IFI27L1: variants seen among roughly 807,000 people sequenced by gnomAD.
IFI27L1 encodes interferon alpha inducible protein 27 like 1.
IFI27L1 carries 3 observed loss-of-function variants against 9.2 expected under a neutral mutation model. That is an observed-to-expected ratio of 0.32 (90% CI 0.15 to 0.84). The LOEUF is 0.84. Ranked by LOEUF, IFI27L1 falls within the 40% of genes least tolerant of loss-of-function variation. The pLI is 0.56. For missense variants in IFI27L1, 133 were observed against 134.2 expected (o/e 0.99, Z 0.05); for synonymous variants, 53 against 50.0 (o/e 1.06, Z -0.26).
chr14:94,093,023 G>C (rs552038987), intron 1 of IFI27L1, among the ~76,000 whole-genome samples: 2 of 151,644 alleles, frequency 1.3e-5, no homozygotes, highest in Non-Finnish European at 2.9e-5. Context: ...GTAGAGATGG[G>C]GTTTCACCAT....
At chr14:94,081,909 T>C (rs1669832573) in intron 1 of IFI27L1, among the ~76,000 whole-genome samples, 1 of 152,180 alleles carries the variant, frequency 6.6e-6, no homozygotes, top group African/African-American at 2.4e-5. Flanking sequence ...AACCCTACAA[T>C]GGGCCTCTAA....
chr14:94,090,429 A>G (rs1034190953), intron 1 of IFI27L1, among the ~76,000 whole-genome samples: 3 of 152,242 alleles, frequency 2.0e-5, no homozygotes, highest in African/African-American at 7.2e-5. Context: ...GATTATTTGT[A>G]TAAAGTGCAG....
chr14:94,089,455 C>T (rs748662591), intron 1 of IFI27L1, among the ~76,000 whole-genome samples: 7 of 152,124 alleles, frequency 4.6e-5, no homozygotes, highest in Non-Finnish European at 8.8e-5. Context: ...TGTCTTGTAG[C>T]ATGCTAATGC....
At position 94,091,397 on chromosome 14, in the gene IFI27L1, T is replaced by G. The variant is rs573504515; in HGVS notation, c.-51-5490T>G. Among the ~76,000 whole-genome samples the G allele has an allele frequency of 2.4e-4, 36 of 152,350 alleles. 1 individual carries two copies. The highest frequency in any genetic ancestry group is 8.7e-4 in the African/African-American group (36 of 41,576). ...TCATGATTATAGGAGTTTCCCATAA[T>G]TTTAGAACACATACCAATAACTTAG... On this transcript the variant is annotated intron_variant, in intron 1 of 4. Coordinates refer to ENST00000555523, the MANE Select transcript of IFI27L1 (RefSeq NM_206949.3).
intron 1 of IFI27L1, among the ~76,000 whole-genome samples, chr14:94,094,391 A>G (rs940770515): frequency 1.1e-4 from 16 of 152,160 alleles, no homozygotes; most frequent in African/African-American, 3.4e-4. Context: ...TGAATTTTTG[A>G]GTCAGTGTTG....
chr14:94,084,958 G>T (rs186640704), intron 1 of IFI27L1, among the ~76,000 whole-genome samples: 1 of 151,966 alleles, frequency 6.6e-6, no homozygotes, highest in Non-Finnish European at 1.5e-5. Context: ...TCCAATGCCA[G>T]TATACTCAGC....
At chr14:94,100,630 G>A (rs1276888204) in intron 2 of IFI27L1, 109 bp from the exon 3 acceptor site, 8 of 1,592,432 alleles carry the variant, frequency 5.0e-6, no homozygotes, top group Non-Finnish European at 6.8e-6. Flanking sequence ...GGCTTCAGAA[G>A]AGGGAAAGAA....
chr14:94,099,490 T>A (rs1180831660), intron 2 of IFI27L1, among the ~76,000 whole-genome samples: 2 of 152,082 alleles, frequency 1.3e-5, no homozygotes, highest in African/African-American at 4.8e-5. Flanking sequence ...ATTGGAGTGA[T>A]GCAGCCACAG....
At chr14:94,085,983 A>G (rs8006174) in intron 1 of IFI27L1, among the ~76,000 whole-genome samples, 33,837 of 152,172 alleles carry the variant, frequency 0.22, 4,053 homozygotes, top group East Asian at 0.36. Flanking sequence ...AGCATTCTAC[A>G]TGGGTGATAT....
At chr14:94,088,390 A>G (rs1421223135) in intron 1 of IFI27L1, 8 of 700,900 alleles carry the variant, frequency 1.1e-5, no homozygotes, top group Non-Finnish European at 1.6e-5. Context: ...TGATCATGGC[A>G]CTGGCTGAAG....
At position 94,102,486 on chromosome 14, in the gene IFI27L1, G is replaced by A. The variant is rs775752850; in HGVS notation, c.233G>A (p.Gly78Glu). 1 of 1,587,794 alleles carries A rather than the reference G, an allele frequency of 6.3e-7. No homozygotes were observed. Among genetic ancestry groups the A allele is most frequent in the South Asian group, 1.2e-5 (1 of 86,858 alleles). ...CTCTCTTCTCCCCCAGGGGCAGCTGGACTCTCTGTGACATCTAAAGTTATC... is the reference window on the plus strand; with the variant it reads ...CTCTCTTCTCCCCCAGGGGCAGCTGAACTCTCTGTGACATCTAAAGTTATC... ...VAILQSVGAA[G>E]LSVTSKVIGG... The change falls in exon 5 of 5, where the codon GGA becomes GAA. Residue 78 changes from glycine (G) to glutamate (E), a missense_variant. Physicochemically the swap from Gly to Glu is moderately conservative, Grantham distance 98. Transcript: ENST00000555523.
rs139998086 is a variant in IFI27L1, at chr14:94,085,650, A to G, written c.-52+4201A>G. ...ATTTTAATGTGATTATTTTAATTAT[A>G]TATATTATATGGAGGTATAATTAGT... On this transcript the variant is annotated intron_variant, in intron 1 of 4. Transcript: ENST00000555523. 9.9e-4 allele frequency among the ~76,000 whole-genome samples: 150 copies of G among 152,278 alleles called. 1 individual carries two copies. The highest frequency in any genetic ancestry group is 1.7e-3 in the Non-Finnish European group (114 of 68,016).
intron 1 of IFI27L1, among the ~76,000 whole-genome samples, chr14:94,096,305 A>C (rs1271318378): frequency 1.3e-5 from 2 of 152,226 alleles, no homozygotes; most frequent in Non-Finnish European, 2.9e-5. Flanking sequence ...ATACGTCTCC[A>C]TTCAGTGTTT....
intron 2 of IFI27L1, among the ~76,000 whole-genome samples, chr14:94,098,898 A>T (rs1414086509): frequency 6.6e-6 from 1 of 152,230 alleles, no homozygotes; most frequent in East Asian, 1.9e-4. Context: ...TAGAGGGGAC[A>T]AGAAAGCTAG....
intron 1 of IFI27L1, among the ~76,000 whole-genome samples, chr14:94,083,069 A>G (rs184045340): frequency 2.0e-5 from 3 of 152,356 alleles, no homozygotes; most frequent in East Asian, 3.8e-4. Context: ...GATTCATGGG[A>G]AGATGTCAAA....
intron 1 of IFI27L1, 101 bp downstream of exon 1, chr14:94,081,550 G>A (rs1169795493): frequency 1.3e-5 from 2 of 152,570 alleles, no homozygotes; most frequent in Non-Finnish European, 2.9e-5. Context: ...AAAGAATTCA[G>A]GGTGAGTCCG....
rs140232352 is a variant in IFI27L1 at position 94,093,975 on chromosome 14, G to A, written c.-51-2912G>A. 1.4e-3 allele frequency among the ~76,000 whole-genome samples: 207 copies of A among 152,202 alleles called. 1 individual carries two copies. The highest frequency in any genetic ancestry group is 4.8e-3 in the African/African-American group (200 of 41,528). ...ATTAAAGAAGTGACAGAATCGGGGT[G>A]GGAAAGGCCCTCTGCTTGGGATATC... On this transcript the variant is annotated intron_variant, in intron 1 of 4. Coordinates refer to ENST00000555523, the MANE Select transcript of IFI27L1 (RefSeq NM_206949.3).
chr14:94,090,483 G>T (rs1479195020), intron 1 of IFI27L1, among the ~76,000 whole-genome samples: 1 of 152,156 alleles, frequency 6.6e-6, no homozygotes, highest in African/African-American at 2.4e-5. Context: ...ATTGACTTTG[G>T]TGGAACTTTG....
chr14:94,092,078 A>G (rs1416588949), intron 1 of IFI27L1, among the ~76,000 whole-genome samples: 1 of 151,698 alleles, frequency 6.6e-6, no homozygotes, highest in Non-Finnish European at 1.5e-5. Context: ...GTGAGCCGAG[A>G]TTGCACCACT....
Sources: allele counts gnomAD v4.1 joint callset (sites outside exome capture counted in the v4.1 genomes callset), GRCh38; gene constraint gnomAD v4.1.1; transcripts MANE v1.5; gene names NCBI Gene and HGNC (gene_info 2026-07-23, HGNC 2026-07-21).